MAML2: variants seen among roughly 807,000 people sequenced by gnomAD.
The protein encoded by MAML2 is mastermind like transcriptional coactivator 2, also known as mastermind-like protein 2.
In MAML2, 22 loss-of-function variants were observed where a neutral mutation model predicts 96.1. That is an observed-to-expected ratio of 0.23 (90% CI 0.16 to 0.33). MAML2 has a LOEUF of 0.33. Among genes scored for constraint, MAML2 ranks in the 10% least tolerant of loss-of-function variants. MAML2 has a pLI of 1.00. For missense variants in MAML2, 1,367 were observed against 1,392.4 expected, an observed-to-expected ratio of 0.98 and a Z score of 0.29; for synonymous variants, 561 against 521.3, an observed-to-expected ratio of 1.08 and a Z score of -1.04.
At chr11:96,164,240 G>A (rs1158345048) in intron 1 of MAML2, among the ~76,000 whole-genome samples, 5 of 152,036 alleles carry the variant, frequency 3.3e-5, no homozygotes, top group Non-Finnish European at 5.9e-5. Context: ...TTGCCTTCTG[G>A]TTATGGGTCA....
chr11:96,035,296 G>T (rs1858693001), intron 2 of MAML2, among the ~76,000 whole-genome samples: 1 of 152,190 alleles, frequency 6.6e-6, no homozygotes, highest in African/African-American at 2.4e-5. Flanking sequence ...CCAACCATAA[G>T]TAATTCTGAT....
At chr11:96,114,522 G>C (rs1565218938) in intron 1 of MAML2, among the ~76,000 whole-genome samples, 1 of 152,160 alleles carries the variant, frequency 6.6e-6, no homozygotes, top group Non-Finnish European at 1.5e-5. Flanking sequence ...GGCTTCTGTA[G>C]CTTGTGATCT....
chr11:96,089,965 C>T (rs1859678096), intron 2 of MAML2, among the ~76,000 whole-genome samples: 1 of 42,242 alleles, frequency 2.4e-5, no homozygotes, highest in Non-Finnish European at 5.8e-5. Context: ...GCCGTCAGCA[C>T]CAGAGCTATT....
chr11:96,183,661 CA>C (rs1861527065), intron 1 of MAML2, among the ~76,000 whole-genome samples: 1 of 151,888 alleles, frequency 6.6e-6, no homozygotes, highest in African/African-American at 2.4e-5. Flanking sequence ...CCTCCCGCCT[CA>C]GCCTCCCAAA....
rs530224164 is a variant in MAML2 at position 96,272,190 on chromosome 11, TTG to T, written c.513+69191_513+69192del. ...TCCTATGCATTGTACTTGTGTTGTG[TTG>T]TGTTTTCTCTGCTAGAATGTAAGCC... is the stretch of plus-strand genomic sequence containing the variant. On this transcript the variant is annotated intron_variant, in intron 1 of 4. Coordinates refer to ENST00000524717, the MANE Select transcript of MAML2 (RefSeq NM_032427.4). 6.6e-5 allele frequency among the ~76,000 whole-genome samples: 10 copies of T among 152,302 alleles called. No individual in the cohort carries two copies. In the South Asian group the frequency reaches 1.9e-3, roughly 28 times the overall value.
At chr11:96,307,828 G>A (rs765645423) in intron 1 of MAML2, among the ~76,000 whole-genome samples, 8 of 152,048 alleles carry the variant, frequency 5.3e-5, no homozygotes, top group Non-Finnish European at 8.8e-5. Context: ...TAATCTCTTC[G>A]TGTGTATTAA....
intron 2 of MAML2, among the ~76,000 whole-genome samples, chr11:96,020,593 C>T (rs963861082): frequency 6.6e-6 from 1 of 152,198 alleles, no homozygotes; most frequent in Non-Finnish European, 1.5e-5. Flanking sequence ...CCATGTGATT[C>T]TGATGCAGTG....
intron 2 of MAML2, among the ~76,000 whole-genome samples, chr11:96,042,190 A>T (rs1485518742): frequency 1.3e-5 from 2 of 151,984 alleles, no homozygotes; most frequent in African/African-American, 4.8e-5. Flanking sequence ...GTTAGCCAGG[A>T]TGGTCTCGAT....
intron 2 of MAML2, among the ~76,000 whole-genome samples, chr11:96,011,912 A>G (rs1389842644): frequency 6.6e-6 from 1 of 152,238 alleles, no homozygotes; most frequent in Non-Finnish European, 1.5e-5. Context: ...GAGAAATGGT[A>G]ACAATTTAAA....
chr11:96,309,064 A>T (rs1863503094), intron 1 of MAML2, among the ~76,000 whole-genome samples: 1 of 152,242 alleles, frequency 6.6e-6, no homozygotes, highest in South Asian at 2.1e-4. Flanking sequence ...TAAAAGATAG[A>T]GAAAGGAAGA....
intron 1 of MAML2, among the ~76,000 whole-genome samples, chr11:96,322,281 C>A (rs956357076): frequency 2.0e-5 from 3 of 151,994 alleles, no homozygotes; most frequent in Admixed American, 1.3e-4. Flanking sequence ...GGGGAGGAAG[C>A]CTGAAAATGG....
At chr11:96,227,963 G>T (rs1325876336) in intron 1 of MAML2, among the ~76,000 whole-genome samples, 1 of 152,288 alleles carries the variant, frequency 6.6e-6, no homozygotes, top group Admixed American at 6.5e-5. Context: ...ATAGTGGAGC[G>T]TGGTGGTGCA....
chr11:96,165,558 G>T (rs987954812), intron 1 of MAML2, among the ~76,000 whole-genome samples: 8 of 151,860 alleles, frequency 5.3e-5, no homozygotes, highest in Non-Finnish European at 1.0e-4. Flanking sequence ...TTAAAAAAAT[G>T]GCTTTATTGA....
At chr11:96,297,734 C>A (rs1863322947) in intron 1 of MAML2, among the ~76,000 whole-genome samples, 1 of 152,096 alleles carries the variant, frequency 6.6e-6, no homozygotes, top group South Asian at 2.1e-4. Context: ...CAAAAATTGG[C>A]AAGATTTTGT....
chr11:96,060,758 C>A (rs1018678790), intron 2 of MAML2, among the ~76,000 whole-genome samples: 4 of 152,236 alleles, frequency 2.6e-5, no homozygotes, highest in African/African-American at 9.6e-5. Flanking sequence ...AAAATCACCT[C>A]TTTAAAATCA....
intron 1 of MAML2, among the ~76,000 whole-genome samples, chr11:96,148,907 G>A (rs1485924964): frequency 1.3e-5 from 2 of 152,330 alleles, no homozygotes; most frequent in South Asian, 2.1e-4. Flanking sequence ...AGCTAGAAAG[G>A]CGTAAAACAG....
chr11:96,018,064 GC>G, intron 2 of MAML2, among the ~76,000 whole-genome samples: 1 of 152,336 alleles, frequency 6.6e-6, no homozygotes, highest in East Asian at 1.9e-4. Context: ...AGGGGCTTGG[GC>G]CAGAGTGGTA....
chr11:96,060,871 C>A (rs1279105427), intron 2 of MAML2, among the ~76,000 whole-genome samples: 1 of 152,108 alleles, frequency 6.6e-6, no homozygotes, highest in African/African-American at 2.4e-5. Context: ...TAATATAATT[C>A]TGTTTTTTTA....
At chr11:96,185,297 G>A (rs1772560812) in intron 1 of MAML2, among the ~76,000 whole-genome samples, 1 of 152,180 alleles carries the variant, frequency 6.6e-6, no homozygotes, top group African/African-American at 2.4e-5. Flanking sequence ...GAGCAGTGAA[G>A]TGTTAAAACC....
Sources: gnomAD v4.1 joint callset for allele counts (sites outside exome capture counted in the v4.1 genomes callset) on GRCh38, gnomAD v4.1.1 for gene constraint, MANE v1.5 for transcripts, NCBI Gene and HGNC (gene_info 2026-07-23, HGNC 2026-07-21) for gene names.